Variants in ROBO2 observed in about 807,000 individuals in gnomAD.
ROBO2 encodes roundabout guidance receptor 2, also known as roundabout homolog 2.
ROBO2 carries 53 observed loss-of-function variants against 160.8 expected under a neutral mutation model. That is an observed-to-expected ratio of 0.33 (90% CI 0.26 to 0.41). The LOEUF (loss-of-function observed/expected upper bound fraction) is 0.41. Ranked by LOEUF, ROBO2 falls within the 10% of genes least tolerant of loss-of-function variation. The pLI, the probability that ROBO2 is intolerant of heterozygous loss-of-function variation, is 1.00. For missense variants in ROBO2, 1,577 were observed against 1,722.4 expected (o/e 0.92, Z 1.49); for synonymous variants, 664 against 611.7 (o/e 1.09, Z -1.26).
chr3:77,434,427 G>T (rs756320995), intron 2 of ROBO2, among the ~76,000 whole-genome samples: 1 of 152,110 alleles, frequency 6.6e-6, no homozygotes, highest in Non-Finnish European at 1.5e-5. Flanking sequence ...GACAAGAGCT[G>T]TATAGTTCTG....
At chr3:77,187,270 A>G (rs1005158795) in intron 2 of ROBO2, among the ~76,000 whole-genome samples, 1 of 151,980 alleles carries the variant, frequency 6.6e-6, no homozygotes, top group African/African-American at 2.4e-5. Flanking sequence ...GCCATTCAGC[A>G]AAGTGCAAAC....
chr3:76,538,116 A>G (rs368533958), intron 2 of ROBO2, among the ~76,000 whole-genome samples: 1 of 151,512 alleles, frequency 6.6e-6, no homozygotes, highest in Non-Finnish European at 1.5e-5. Context: ...CAGGGGTTAT[A>G]ATGGCTGAGC....
chr3:76,074,799 A>G (rs2068588837), intron 2 of ROBO2, among the ~76,000 whole-genome samples: 3 of 152,214 alleles, frequency 2.0e-5, no homozygotes, highest in African/African-American at 7.2e-5. Flanking sequence ...TGTTTCAGAT[A>G]TGGCCCTTCA....
intron 2 of ROBO2, among the ~76,000 whole-genome samples, chr3:76,762,860 T>C (rs1352977475): frequency 2.6e-5 from 4 of 151,722 alleles, no homozygotes; most frequent in African/African-American, 4.8e-5. Flanking sequence ...TGTGTTATTT[T>C]CATTTATATT....
intron 2 of ROBO2, among the ~76,000 whole-genome samples, chr3:76,334,838 A>G (rs1437474925): frequency 6.6e-6 from 1 of 152,148 alleles, no homozygotes; most frequent in African/African-American, 2.4e-5. Context: ...ATGATTTAGT[A>G]AAGAAAGGAG....
chr3:76,494,305 G>A (rs972459235), intron 2 of ROBO2, among the ~76,000 whole-genome samples: 1 of 152,094 alleles, frequency 6.6e-6, no homozygotes, highest in African/African-American at 2.4e-5. Flanking sequence ...ACTGACATAC[G>A]ACAGATTAAG....
At chr3:76,133,271 G>A (rs17013868) in intron 2 of ROBO2, among the ~76,000 whole-genome samples, 9,395 of 151,922 alleles carry the variant, frequency 0.062, 589 homozygotes, top group East Asian at 0.15. Context: ...GTAAGATTTC[G>A]TTTGTTTGGA....
At chr3:77,458,300 T>G (rs1407695410) in intron 2 of ROBO2, among the ~76,000 whole-genome samples, 1 of 152,180 alleles carries the variant, frequency 6.6e-6, no homozygotes, top group Non-Finnish European at 1.5e-5. Context: ...AAATATAACC[T>G]ATAAGAATTA....
intron 2 of ROBO2, among the ~76,000 whole-genome samples, chr3:76,919,750 A>G (rs1278955540): frequency 1.3e-5 from 2 of 152,196 alleles, no homozygotes; most frequent in East Asian, 3.8e-4. Context: ...GCCTGTGACT[A>G]CTTGCTTTGC....
Position 76,512,324 on chromosome 3 carries a change from A to G in ROBO2, c.109+574722A>G, listed in dbSNP as rs201993495. ...TGCAGAAATTTATATATATATATGT[A>G]TATATATATATATAGTGTACTTTAA... is the stretch of plus-strand genomic sequence containing the variant. On this transcript the variant is annotated intron_variant, in intron 2 of 26. Coordinates refer to the ROBO2 transcript ENST00000487694. Among the ~76,000 whole-genome samples the G allele has an allele frequency of 3.0e-4, 42 of 140,702 alleles. 1 individual carries two copies. The highest frequency in any genetic ancestry group is 2.6e-3 in the South Asian group (12 of 4,626). The allele number at this position is 140,702 out of a possible 152,430, so 92.3% of individuals were successfully genotyped here.
chr3:76,450,166 A>G, intron 2 of ROBO2, among the ~76,000 whole-genome samples: 1 of 152,188 alleles, frequency 6.6e-6, no homozygotes, highest in Non-Finnish European at 1.5e-5. Context: ...CAATGCTGAT[A>G]GAAGTAGAAG....
At chr3:77,488,873 A>C (rs2085713824) in intron 4 of ROBO2, among the ~76,000 whole-genome samples, 1 of 152,216 alleles carries the variant, frequency 6.6e-6, no homozygotes, top group South Asian at 2.1e-4. Flanking sequence ...TCTGGAAATA[A>C]AGTTGGTTAA....
At chr3:77,611,068 G>T (rs963880265) in intron 21 of ROBO2, among the ~76,000 whole-genome samples, 4 of 152,032 alleles carry the variant, frequency 2.6e-5, no homozygotes, top group African/African-American at 7.2e-5. Context: ...GGAGGCCAAG[G>T]TGGGCGGATC....
intron 2 of ROBO2, among the ~76,000 whole-genome samples, chr3:76,403,024 G>A (rs1366527342): frequency 3.3e-5 from 5 of 151,574 alleles, no homozygotes; most frequent in African/African-American, 1.2e-4. Flanking sequence ...AAAGACTGGG[G>A]CCAATAAATG....
chr3:76,570,935 C>A (rs2084915092), intron 2 of ROBO2, among the ~76,000 whole-genome samples: 1 of 152,066 alleles, frequency 6.6e-6, no homozygotes, highest in Admixed American at 6.5e-5. Context: ...CTTACCATTT[C>A]ATGTATGACA....
At chr3:76,657,994 G>A (rs1296984160) in intron 2 of ROBO2, among the ~76,000 whole-genome samples, 1 of 148,794 alleles carries the variant, frequency 6.7e-6, no homozygotes, top group African/African-American at 2.5e-5. Flanking sequence ...TTGAGCCCAG[G>A]GCGTTGAGGC....
At chr3:76,154,846 T>C (rs1216809671) in intron 2 of ROBO2, among the ~76,000 whole-genome samples, 3 of 152,150 alleles carry the variant, frequency 2.0e-5, no homozygotes, top group Non-Finnish European at 4.4e-5. Flanking sequence ...GACACCAACA[T>C]ACTGATTTTC....
At chr3:77,423,958 C>A (rs1269492295) in intron 2 of ROBO2, among the ~76,000 whole-genome samples, 3 of 152,108 alleles carry the variant, frequency 2.0e-5, no homozygotes, top group Admixed American at 6.6e-5. Flanking sequence ...ATTAATAATT[C>A]AGTAACTTTT....
At chr3:76,810,505 G>T (rs969176054) in intron 2 of ROBO2, among the ~76,000 whole-genome samples, 3 of 152,054 alleles carry the variant, frequency 2.0e-5, no homozygotes, top group East Asian at 1.9e-4. Context: ...TGTCATTTGG[G>T]TAGAAATAAA....
Sources: gnomAD v4.1 joint callset for allele counts (sites outside exome capture counted in the v4.1 genomes callset) on GRCh38, gnomAD v4.1.1 for gene constraint, MANE v1.5 for transcripts, NCBI Gene and HGNC (gene_info 2026-07-23, HGNC 2026-07-21) for gene names.